Variants in NELL1 observed in about 807,000 individuals in gnomAD.
NELL1 encodes the protein neural EGFL like 1, also known as protein kinase C-binding protein NELL1.
NELL1 carries 76 observed loss-of-function variants against 107.4 expected under a neutral mutation model. The observed-to-expected ratio is 0.71, with a 90% confidence interval of 0.59 to 0.86. The LOEUF (loss-of-function observed/expected upper bound fraction) is 0.86, where lower values mean the gene tolerates loss of function less well. Ranked by LOEUF, NELL1 falls within the 40% of genes least tolerant of loss-of-function variation. The pLI is 0.00. For missense variants in NELL1, 1,024 were observed against 1,005.5 expected, an observed-to-expected ratio of 1.02 and a Z score of -0.25; for synonymous variants, 353 against 341.2, an observed-to-expected ratio of 1.03 and a Z score of -0.38.
At chr11:21,478,847 A>AAAG (rs1854416731) in intron 15 of NELL1, among the ~76,000 whole-genome samples, 1 of 151,728 alleles carries the variant, frequency 6.6e-6, no homozygotes, top group African/African-American at 2.4e-5. Flanking sequence ...ATAAGAAAAA[A>AAAG]AAAAACTGAT....
intron 2 of NELL1, among the ~76,000 whole-genome samples, chr11:20,698,949 G>A (rs1270744715): frequency 6.6e-6 from 1 of 152,172 alleles, no homozygotes; most frequent in Non-Finnish European, 1.5e-5. Context: ...GGGCGTGGTG[G>A]CTCATGCCTG....
At chr11:20,827,073 G>C (rs1177135793) in intron 3 of NELL1, among the ~76,000 whole-genome samples, 3 of 151,198 alleles carry the variant, frequency 2.0e-5, no homozygotes, top group Non-Finnish European at 3.0e-5. Flanking sequence ...TTTTGCAATA[G>C]GAGTGCGGAA....
chr11:20,707,148 C>T (rs187472390), intron 2 of NELL1, among the ~76,000 whole-genome samples: 18 of 152,264 alleles, frequency 1.2e-4, no homozygotes, highest in African/African-American at 3.6e-4. Flanking sequence ...TCCACTTGGT[C>T]GAATTGGCTA....
chr11:20,878,582 AT>A (rs998876402), intron 4 of NELL1, among the ~76,000 whole-genome samples: 3 of 152,090 alleles, frequency 2.0e-5, no homozygotes, highest in African/African-American at 7.2e-5. Context: ...CTCAAAAGGT[AT>A]TGATGGTGGA....
chr11:20,834,131 C>G (rs1848485874), intron 3 of NELL1, among the ~76,000 whole-genome samples: 1 of 152,030 alleles, frequency 6.6e-6, no homozygotes, highest in Non-Finnish European at 1.5e-5. Flanking sequence ...TGATAGGAAT[C>G]TATATAGTTG....
chr11:20,709,875 C>G (rs191774379), intron 2 of NELL1, among the ~76,000 whole-genome samples: 3 of 152,202 alleles, frequency 2.0e-5, no homozygotes, highest in Admixed American at 6.5e-5. Context: ...TATGTCAGTG[C>G]TACTGATTTG....
chr11:21,403,099 G>T (rs953436808), intron 15 of NELL1, among the ~76,000 whole-genome samples: 1 of 151,730 alleles, frequency 6.6e-6, no homozygotes, highest in African/African-American at 2.4e-5. Context: ...GTATAAAATT[G>T]TTTTGAATGT....
intron 11 of NELL1, 79 bp from the exon 12 acceptor site, chr11:20,960,353 A>C (rs1397532557): frequency 1.4e-6 from 2 of 1,435,528 alleles, no homozygotes; most frequent in Admixed American, 3.7e-5. Flanking sequence ...ACATATAATA[A>C]AAAATGTTAC....
At chr11:20,704,193 T>C (rs1854877057) in intron 2 of NELL1, among the ~76,000 whole-genome samples, 1 of 152,228 alleles carries the variant, frequency 6.6e-6, no homozygotes, top group South Asian at 2.1e-4. Flanking sequence ...AGCTGCTGTA[T>C]TGGGTGCATA....
intron 13 of NELL1, among the ~76,000 whole-genome samples, chr11:21,166,879 T>C (rs1243798970): frequency 6.6e-6 from 1 of 151,662 alleles, no homozygotes; most frequent in Admixed American, 6.6e-5. Context: ...ACATTTAGAG[T>C]AATTCAAAAA....
intron 14 of NELL1, among the ~76,000 whole-genome samples, chr11:21,268,871 A>G (rs1205873708): frequency 1.3e-5 from 2 of 152,176 alleles, no homozygotes; most frequent in African/African-American, 4.8e-5. Flanking sequence ...TAAAACAGGT[A>G]TGGTTAACAT....
chr11:21,232,159 A>AAAAAAAT (rs1554985116), intron 14 of NELL1, among the ~76,000 whole-genome samples: 1 of 73,208 alleles, frequency 1.4e-5, no homozygotes, highest in Non-Finnish European at 2.8e-5. Flanking sequence ...AAAAAAAAAA[A>AAAAAAAT]ATATATATAT....
intron 14 of NELL1, among the ~76,000 whole-genome samples, chr11:21,339,503 C>T (rs1850514043): frequency 6.6e-6 from 1 of 152,222 alleles, no homozygotes; most frequent in African/African-American, 2.4e-5. Context: ...GAAACAAATA[C>T]ACTCACTATA....
chr11:21,084,963 C>T (rs773032310), intron 12 of NELL1, among the ~76,000 whole-genome samples: 21 of 152,220 alleles, frequency 1.4e-4, no homozygotes, highest in Non-Finnish European at 2.4e-4. Context: ...AGAACTTGAC[C>T]ACATAATATG....
chr11:21,378,485 G>C (rs1292635634), intron 15 of NELL1, among the ~76,000 whole-genome samples: 1 of 151,774 alleles, frequency 6.6e-6, no homozygotes, highest in Non-Finnish European at 1.5e-5. Context: ...CCTTCTTACA[G>C]TCTTAGGAAC....
chr11:21,313,840 C>T (rs538387507), intron 14 of NELL1, among the ~76,000 whole-genome samples: 1 of 152,116 alleles, frequency 6.6e-6, no homozygotes, highest in East Asian at 1.9e-4. Flanking sequence ...AATTGTAATC[C>T]CTAGTATTGG....
At chr11:20,819,788 C>T (rs921434152) in intron 3 of NELL1, among the ~76,000 whole-genome samples, 2 of 152,158 alleles carry the variant, frequency 1.3e-5, no homozygotes, top group East Asian at 3.9e-4. Flanking sequence ...TCTTTACCCA[C>T]TTTTTTGCAA....
At chr11:21,328,483 T>C (rs188146089) in intron 14 of NELL1, among the ~76,000 whole-genome samples, 246 of 152,158 alleles carry the variant, frequency 1.6e-3, no homozygotes, top group African/African-American at 5.6e-3. Flanking sequence ...ATGGAGAACC[T>C]CTCCTATGGC....
At chr11:21,211,267 C>T (rs555143742) in intron 13 of NELL1, among the ~76,000 whole-genome samples, 17 of 151,998 alleles carry the variant, frequency 1.1e-4, no homozygotes, top group African/African-American at 2.2e-4. Context: ...CAAGGATAAG[C>T]GGATATTACG....
Sources: allele counts gnomAD v4.1 joint callset (sites outside exome capture counted in the v4.1 genomes callset), GRCh38; gene constraint gnomAD v4.1.1; transcripts MANE v1.5; gene names NCBI Gene and HGNC (gene_info 2026-07-23, HGNC 2026-07-21).